The following PSMB5 variants were observed in gnomAD, a reference collection of about 807,000 sequenced individuals.
The protein encoded by PSMB5 is proteasome subunit beta type-5.
In PSMB5, 2 loss-of-function variants were observed where a neutral mutation model predicts 22.8. The ratio of observed to expected loss-of-function variants is 0.09; its 90% CI spans 0.04 to 0.28. The LOEUF is 0.28. PSMB5 is among the 10% of genes least tolerant of loss of function. The pLI is 1.00. For synonymous variants in PSMB5, 133 were observed against 135.3 expected (o/e 0.98, Z 0.12); for missense variants, 269 against 343.8 (o/e 0.78, Z 1.72).
upstream of PSMB5, chr14:23,035,145 T>A: frequency 1.9e-6 from 1 of 525,744 alleles, no homozygotes; most frequent in Non-Finnish European, 3.2e-6. Context: ...CAAGTAGTCC[T>A]GGATCAGAAT....
chr14:23,031,865 G>A (rs1016881943), intron 2 of PSMB5, among the ~76,000 whole-genome samples: 5 of 152,298 alleles, frequency 3.3e-5, no homozygotes, highest in African/African-American at 1.2e-4. Context: ...GAGGTGGGCA[G>A]ATCACCTGAG....
chr14:23,031,525 G>T (rs1272598688), intron 2 of PSMB5, among the ~76,000 whole-genome samples: 2 of 152,176 alleles, frequency 1.3e-5, no homozygotes, highest in Non-Finnish European at 2.9e-5. Flanking sequence ...GCAGGTAAAT[G>T]AATGAAGCAA....
intron 2 of PSMB5, among the ~76,000 whole-genome samples, chr14:23,026,752 C>G (rs772707592): frequency 8.0e-5 from 12 of 150,558 alleles, no homozygotes; most frequent in Middle Eastern, 3.4e-3. Context: ...GCCCGGCCAG[C>G]AGTAGTTCTC....
In PSMB5 at chr14:23,033,642, G is replaced by A; in HGVS notation, c.231C>T (p.Ser77=). The A allele has an allele frequency of 6.2e-7, 1 of 1,610,732 alleles. No individual in the cohort carries two copies. Among genetic ancestry groups the A allele is most frequent in the South Asian group, 1.1e-5 (1 of 91,052 alleles). The stretch of plus-strand genomic sequence containing the variant: ...CAATGTAAGCACCCGCTGTAGCCCT[G>A]GAGTCAGCTGCAACTATGACTCCAT... ...FRHGVIVAAD[S]RATAGAYIAS... The change falls in exon 2 of 3, where the codon TCC becomes TCT. Residue 77 remains serine, a synonymous_variant. Coordinates refer to ENST00000361611, the MANE Select transcript of PSMB5 (RefSeq NM_002797.5).
chr14:23,034,642 G>A (rs2046978263), intron 1 of PSMB5, 42 bp downstream of exon 1: 1 of 1,599,010 alleles, frequency 6.3e-7, no homozygotes, highest in South Asian at 1.1e-5. Context: ...GGCAAGTCGC[G>A]GGCGTTCAGT....
Position 23,026,083 on chromosome 14 carries a change from C to A in PSMB5, c.*6G>T, listed in dbSNP as rs981664806. On this transcript the variant is annotated 3_prime_UTR_variant, in exon 3 of 3. Coordinates refer to ENST00000361611, the MANE Select transcript of PSMB5 (RefSeq NM_002797.5). Reference sequence around the variant, plus strand: ...AAGAAACACAAGCAGCTGCATCCACCCTCTTTCAGGGGGTAGAGCCACTAT... The same window carrying A: ...AAGAAACACAAGCAGCTGCATCCACACTCTTTCAGGGGGTAGAGCCACTAT... 6 of 1,612,872 alleles carry A rather than the reference C, an allele frequency of 3.7e-6. No individual in the cohort carries two copies. The African/African-American group carries it at 8.0e-5, about 22-fold the overall frequency.
At chr14:23,027,353 C>A (rs1359197251) in intron 2 of PSMB5, among the ~76,000 whole-genome samples, 3 of 145,842 alleles carry the variant, frequency 2.1e-5, no homozygotes, top group African/African-American at 5.1e-5. Context: ...TGCACTCCAG[C>A]CTGGGAGACA....
chr14:23,028,802 T>G (rs1188518306), intron 2 of PSMB5, among the ~76,000 whole-genome samples: 2 of 152,228 alleles, frequency 1.3e-5, no homozygotes, highest in African/African-American at 4.8e-5. Context: ...GATGAAAATT[T>G]AGACAAAGTG....
At chr14:23,026,457 CTT>C in intron 2 of PSMB5, 82 bp from the exon 3 acceptor site, 1 of 1,503,584 alleles carries the variant, frequency 6.7e-7, no homozygotes, top group Non-Finnish European at 8.9e-7. Flanking sequence ...GGCAGTAGTT[CTT>C]TTTTTTTGAG....
rs1305394960 is a variant in PSMB5 at position 23,034,720 on chromosome 14, G to C, written c.162C>G (p.Ile54Met). Residue 54 changes from isoleucine (I) to methionine (M), a missense_variant, in exon 1 of 3, where the codon ATC (isoleucine) becomes ATG (methionine). Physicochemically the swap from Ile to Met is conservative, Grantham distance 10. Transcript: ENST00000361611. ...GGGTGGTTGTTCCATGAAGCATTTC[G>C]ATTCCTGGCTCTTCTGGGACACCCC... ...PGWGVPEEPG[I>M]EMLHGTTTLA... 2 of 1,614,124 alleles carry C rather than the reference G, an allele frequency of 1.2e-6. No homozygotes were observed. Among genetic ancestry groups the C allele is most frequent in the East Asian group, 2.2e-5 (1 of 44,874 alleles).
At position 23,026,361 on chromosome 14, in the gene PSMB5, C is replaced by T. The variant is rs1326599676; in HGVS notation, c.520G>A (p.Asp174Asn). 1 of 1,613,792 alleles carries T rather than the reference C, an allele frequency of 6.2e-7. No homozygotes were observed. Among genetic ancestry groups the T allele is most frequent in the Non-Finnish European group, 8.5e-7 (1 of 1,179,978 alleles). ...DKRGPGLYYV[D>N]SEGNRISGAT... ...CCTGAAATCCGGTTCCCTTCACTGT[C>T]CACGTAGTAGAGGCCTGGAAAGGGA... The change falls in exon 3 of 3, where the codon GAC (aspartate) becomes AAC (asparagine). Residue 174 changes from aspartate (D) to asparagine (N), a missense_variant. Asp to Asn is a conservative substitution (Grantham distance 23). Coordinates refer to ENST00000361611, the MANE Select transcript of PSMB5 (RefSeq NM_002797.5).
chr14:23,034,361 T>C, intron 1 of PSMB5: 1 of 294,394 alleles, frequency 3.4e-6, no homozygotes. Flanking sequence ...TAGCCTTCCC[T>C]CGGCCAAGAT....
intron 2 of PSMB5, 124 bp from the exon 3 acceptor site, chr14:23,026,499 G>C: frequency 1.5e-6 from 2 of 1,332,516 alleles, no homozygotes; most frequent in Non-Finnish European, 2.0e-6. Context: ...GCCCAAGCTA[G>C]AGTGCAATGG....
At chr14:23,027,133 A>G (rs1438710881) in intron 2 of PSMB5, among the ~76,000 whole-genome samples, 2 of 151,870 alleles carry the variant, frequency 1.3e-5, no homozygotes, top group African/African-American at 4.8e-5. Flanking sequence ...CTGTAATCCC[A>G]GCACTTTGGG....
intron 2 of PSMB5, among the ~76,000 whole-genome samples, chr14:23,029,260 T>C (rs1263127859): frequency 6.6e-6 from 1 of 152,070 alleles, no homozygotes; most frequent in Non-Finnish European, 1.5e-5. Flanking sequence ...CCCAGTGCCA[T>C]GCTCTCTTGC....
intron 2 of PSMB5, chr14:23,027,712 C>A (rs2046925993): frequency 1.4e-6 from 2 of 1,452,460 alleles, no homozygotes; most frequent in South Asian, 1.2e-5. Flanking sequence ...CTACAACATA[C>A]CACCCCATCT....
rs759313814 is a variant in PSMB5, at chr14:23,033,689, G to A, written c.199-15C>T. On this transcript the variant is annotated splice_polypyrimidine_tract_variant and intron_variant, in intron 1 of 2. Transcript: ENST00000361611. ...CCATGGCGGAACTGTTAAGATCAGA[G>A]GAAAACACAAAACAGGCCACATAAG... 1.9e-6 allele frequency: 3 copies of A among 1,593,430 alleles called. No homozygotes were observed. Among genetic ancestry groups the A allele is most frequent in the Admixed American group, 3.4e-5 (2 of 59,302 alleles).
At chr14:23,031,168 A>G (rs1262259334) in intron 2 of PSMB5, among the ~76,000 whole-genome samples, 5 of 152,198 alleles carry the variant, frequency 3.3e-5, no homozygotes, top group Admixed American at 6.5e-5. Context: ...AATGATGCTC[A>G]GTCTCCCTGG....
intron 2 of PSMB5, among the ~76,000 whole-genome samples, chr14:23,031,948 G>A (rs1178057033): frequency 6.7e-6 from 1 of 150,336 alleles, no homozygotes; most frequent in Non-Finnish European, 1.5e-5. Flanking sequence ...AATTAGACGC[G>A]CATGGTGGCA....
Sources: gnomAD v4.1 joint callset for allele counts (sites outside exome capture counted in the v4.1 genomes callset) on GRCh38, gnomAD v4.1.1 for gene constraint, MANE v1.5 for transcripts, NCBI Gene and HGNC (gene_info 2026-07-23, HGNC 2026-07-21) for gene names.